KCNAB1: variants seen among roughly 807,000 people sequenced by gnomAD.
KCNAB1 encodes the protein potassium voltage-gated channel subfamily A regulatory beta subunit 1.
KCNAB1 carries 35 observed loss-of-function variants against 64.6 expected under a neutral mutation model. That is an observed-to-expected ratio of 0.54 (90% confidence interval 0.41 to 0.72). KCNAB1 has a LOEUF of 0.72. Ranked by LOEUF, KCNAB1 falls within the 30% of genes least tolerant of loss-of-function variation. KCNAB1 has a pLI of 0.00. For missense variants in KCNAB1, 401 were observed against 512.9 expected, an observed-to-expected ratio of 0.78 and a Z score of 2.11; for synonymous variants, 177 against 183.8, an observed-to-expected ratio of 0.96 and a Z score of 0.30.
intron 1 of KCNAB1, among the ~76,000 whole-genome samples, chr3:156,288,345 T>A (rs1720209820): frequency 6.6e-6 from 1 of 152,246 alleles, no homozygotes; most frequent in South Asian, 2.1e-4. Flanking sequence ...ACAAGCCAGT[T>A]GAAAACAATA....
intron 1 of KCNAB1, among the ~76,000 whole-genome samples, chr3:156,128,881 T>G (rs115921738): frequency 5.3e-4 from 81 of 152,338 alleles, no homozygotes; most frequent in African/African-American, 1.8e-3. Context: ...AGGGTAAGTT[T>G]TAAAATAAAT....
chr3:156,428,486 T>TACACAC (rs1491227572), intron 2 of KCNAB1, among the ~76,000 whole-genome samples: 1 of 84,854 alleles, frequency 1.2e-5, no homozygotes, highest in African/African-American at 8.2e-5. Flanking sequence ...ATAATTCCTC[T>TACACAC]ATACACACAC....
At chr3:156,187,225 A>G (rs1713259399) in intron 1 of KCNAB1, among the ~76,000 whole-genome samples, 2 of 152,130 alleles carry the variant, frequency 1.3e-5, no homozygotes, top group African/African-American at 2.4e-5. Context: ...GGTATTTCTC[A>G]GAGATTCATG....
chr3:156,493,083 G>C (rs1028205409), intron 8 of KCNAB1, among the ~76,000 whole-genome samples: 2 of 152,082 alleles, frequency 1.3e-5, no homozygotes, highest in Non-Finnish European at 2.9e-5. Flanking sequence ...AAATATGGCT[G>C]TGTCTGTCAA....
chr3:156,255,635 G>A (rs1376688753), intron 1 of KCNAB1, among the ~76,000 whole-genome samples: 3 of 152,134 alleles, frequency 2.0e-5, no homozygotes, highest in Admixed American at 6.5e-5. Context: ...CTCTGTTCAT[G>A]CCCTACCCTG....
chr3:156,349,819 C>T (rs1724736468), intron 1 of KCNAB1, among the ~76,000 whole-genome samples: 1 of 152,240 alleles, frequency 6.6e-6, no homozygotes. Context: ...CCTGCGTCAG[C>T]CTCCCGAAGT....
chr3:156,196,714 G>C (rs966304990), intron 1 of KCNAB1, among the ~76,000 whole-genome samples: 10 of 152,160 alleles, frequency 6.6e-5, no homozygotes, highest in African/African-American at 2.4e-4. Context: ...TTTTGGCTGA[G>C]ATGATGGGGT....
At chr3:156,494,123 G>T (rs1451247017) in intron 8 of KCNAB1, among the ~76,000 whole-genome samples, 2 of 152,196 alleles carry the variant, frequency 1.3e-5, no homozygotes, top group South Asian at 2.1e-4. Context: ...TGCCAAGGTG[G>T]TTTTCTATTT....
chr3:156,178,892 T>A (rs991403089), intron 1 of KCNAB1, among the ~76,000 whole-genome samples: 1 of 150,222 alleles, frequency 6.7e-6, no homozygotes, highest in Admixed American at 6.6e-5. Context: ...TCCCAGCTAC[T>A]TGGGAGGCTG....
chr3:156,254,216 A>C (rs1470022717), intron 1 of KCNAB1, among the ~76,000 whole-genome samples: 1 of 152,228 alleles, frequency 6.6e-6, no homozygotes, highest in East Asian at 1.9e-4. Flanking sequence ...TATGTGAATA[A>C]TTTATTTGGA....
intron 2 of KCNAB1, among the ~76,000 whole-genome samples, chr3:156,443,267 A>T (rs183372056): frequency 1.3e-5 from 2 of 152,182 alleles, no homozygotes; most frequent in Admixed American, 6.5e-5. Context: ...GAAGCTTATC[A>T]TAAGGAAGGA....
chr3:156,346,728 A>G (rs1382584877), intron 1 of KCNAB1, among the ~76,000 whole-genome samples: 1 of 152,250 alleles, frequency 6.6e-6, no homozygotes, highest in Non-Finnish European at 1.5e-5. Flanking sequence ...TACAATAATC[A>G]TAAAAAATTA....
At chr3:156,370,682 T>C (rs891757908) in intron 1 of KCNAB1, among the ~76,000 whole-genome samples, 2 of 152,210 alleles carry the variant, frequency 1.3e-5, no homozygotes, top group Admixed American at 1.3e-4. Flanking sequence ...ATTAAAGCCC[T>C]CCCTGGATTG....
intron 1 of KCNAB1, among the ~76,000 whole-genome samples, chr3:156,328,141 G>C (rs1412606271): frequency 6.6e-6 from 1 of 152,272 alleles, no homozygotes; most frequent in South Asian, 2.1e-4. Flanking sequence ...ACACAAAAAT[G>C]CTTGGCCTAT....
chr3:156,141,283 A>G (rs1293199804), intron 1 of KCNAB1, among the ~76,000 whole-genome samples: 1 of 152,114 alleles, frequency 6.6e-6, no homozygotes, highest in African/African-American at 2.4e-5. Context: ...AGTAATTTAT[A>G]TTTAGTTCCA....
At chr3:156,329,521 G>A (rs530149038) in intron 1 of KCNAB1, among the ~76,000 whole-genome samples, 2 of 152,104 alleles carry the variant, frequency 1.3e-5, no homozygotes, top group African/African-American at 2.4e-5. Flanking sequence ...ATGGGAATAG[G>A]TTGGATAGTA....
At chr3:156,159,218 C>A (rs1018650907) in intron 1 of KCNAB1, among the ~76,000 whole-genome samples, 15 of 152,066 alleles carry the variant, frequency 9.9e-5, no homozygotes, top group Non-Finnish European at 2.2e-4. Flanking sequence ...TGTGTTGTTT[C>A]TATTTCTTGA....
Position 156,252,229 on chromosome 3 carries a change from A to C in KCNAB1, c.275+131343A>C, listed in dbSNP as rs563979382. Among the ~76,000 whole-genome samples the C allele has an allele frequency of 5.9e-5, 9 of 152,376 alleles. No individual in the cohort carries two copies. The South Asian group carries it at 1.5e-3, about 25-fold the overall frequency. ...TGTGCTCAGGCACTAAACAGCACAC[A>C]TGTGAATCTGTTCCCTGGCACACGC... is the stretch of plus-strand genomic sequence containing the variant. On this transcript the variant is annotated intron_variant, in intron 1 of 13. Coordinates refer to ENST00000490337, the MANE Select transcript of KCNAB1 (RefSeq NM_172160.3).
chr3:156,136,326 G>A (rs1452408117), intron 1 of KCNAB1, among the ~76,000 whole-genome samples: 1 of 152,152 alleles, frequency 6.6e-6, no homozygotes, highest in Non-Finnish European at 1.5e-5. Flanking sequence ...ATAGTTTCCG[G>A]GGGAAGAAAC....
Sources: allele counts gnomAD v4.1 joint callset (sites outside exome capture counted in the v4.1 genomes callset), GRCh38; gene constraint gnomAD v4.1.1; transcripts MANE v1.5; gene names NCBI Gene and HGNC (gene_info 2026-07-23, HGNC 2026-07-21).